Variants in FGF14 observed in about 807,000 individuals in gnomAD.
FGF14 encodes the protein fibroblast growth factor homologous factor 4.
Under a neutral mutation model 25.5 loss-of-function variants are expected in FGF14, and 5 were observed. The ratio of observed to expected loss-of-function variants is 0.20; its 90% CI spans 0.10 to 0.41. The LOEUF is 0.41. FGF14 is among the 10% of genes least tolerant of loss of function. FGF14 has a pLI of 1.00. For synonymous variants in FGF14, 138 were observed against 118.3 expected, an observed-to-expected ratio of 1.17 and a Z score of -1.08; for missense variants, 222 against 320.1, an observed-to-expected ratio of 0.69 and a Z score of 2.34.
intron 1 of FGF14, among the ~76,000 whole-genome samples, chr13:102,392,233 T>C (rs942606431): frequency 2.0e-5 from 3 of 152,234 alleles, no homozygotes; most frequent in Admixed American, 6.5e-5. Context: ...AACTTACATA[T>C]GTAAATTCAA....
At chr13:102,201,797 A>C (rs1015412686) in intron 1 of FGF14, among the ~76,000 whole-genome samples, 1 of 152,218 alleles carries the variant, frequency 6.6e-6, no homozygotes, top group Admixed American at 6.5e-5. Context: ...TGAAAACTAA[A>C]GAATAATGTT....
intron 1 of FGF14, among the ~76,000 whole-genome samples, chr13:102,098,569 A>AT (rs1466996926): frequency 1.3e-5 from 2 of 152,198 alleles, no homozygotes; most frequent in Non-Finnish European, 2.9e-5. Flanking sequence ...AATTGCCTTG[A>AT]TTACATTTAG....
chr13:101,856,755 C>T (rs186251787), intron 3 of FGF14, among the ~76,000 whole-genome samples: 9 of 152,042 alleles, frequency 5.9e-5, no homozygotes, highest in Non-Finnish European at 1.2e-4. Context: ...GGTAATATAT[C>T]ATCATGTTAC....
chr13:102,401,527 G>A, exon 1 of FGF14: 1 of 1,614,192 alleles, frequency 6.2e-7, no homozygotes, highest in Non-Finnish European at 8.5e-7. Flanking sequence ...CAGCATATGC[G>A]TTCCTTTGCT....
At chr13:101,995,171 T>C (rs189723914) in intron 1 of FGF14, among the ~76,000 whole-genome samples, 130 of 152,250 alleles carry the variant, frequency 8.5e-4, no homozygotes, top group African/African-American at 2.9e-3. Context: ...AGCAGTAATT[T>C]TCTAAAATTC....
chr13:102,056,628 T>C (rs1314435570), intron 1 of FGF14, among the ~76,000 whole-genome samples: 4 of 152,072 alleles, frequency 2.6e-5, no homozygotes, highest in Non-Finnish European at 5.9e-5. Flanking sequence ...ACATGACAAC[T>C]AAGAAACATT....
intron 3 of FGF14, among the ~76,000 whole-genome samples, chr13:101,833,516 T>G (rs1410173938): frequency 6.6e-6 from 1 of 152,052 alleles, no homozygotes; most frequent in Non-Finnish European, 1.5e-5. Flanking sequence ...AATTTATAAC[T>G]AGACAATGAG....
intron 1 of FGF14, among the ~76,000 whole-genome samples, chr13:101,945,987 C>G (rs1226200336): frequency 6.6e-6 from 1 of 152,146 alleles, no homozygotes; most frequent in Non-Finnish European, 1.5e-5. Flanking sequence ...CATCGTGAAG[C>G]CTTAATCAAT....
At chr13:101,917,557 C>T (rs1379719772), upstream of FGF14, among the ~76,000 whole-genome samples, 1 of 151,888 alleles carries the variant, frequency 6.6e-6, no homozygotes, top group African/African-American at 2.4e-5. Context: ...TGCACTGAAA[C>T]TCTCAGCAGC....
chr13:102,172,074 C>T (rs972586760), intron 1 of FGF14, among the ~76,000 whole-genome samples: 10 of 151,820 alleles, frequency 6.6e-5, no homozygotes, highest in Non-Finnish European at 1.3e-4. Flanking sequence ...ACGTGATCCT[C>T]CTCCCTCGAC....
At chr13:102,026,382 G>T (rs2040928808) in intron 1 of FGF14, among the ~76,000 whole-genome samples, 1 of 151,506 alleles carries the variant, frequency 6.6e-6, no homozygotes, top group African/African-American at 2.4e-5. Context: ...ATTCATAAAG[G>T]ATATTGATCA....
chr13:102,326,323 T>A (rs2056421502), intron 1 of FGF14, among the ~76,000 whole-genome samples: 1 of 152,164 alleles, frequency 6.6e-6, no homozygotes, highest in Non-Finnish European at 1.5e-5. Context: ...ACTATCAGTA[T>A]AATTAAGCCG....
chr13:102,271,360 G>A (rs902857966), intron 1 of FGF14, among the ~76,000 whole-genome samples: 12 of 152,026 alleles, frequency 7.9e-5, no homozygotes, highest in African/African-American at 2.9e-4. Context: ...CATTTGCCGT[G>A]TTCCAGTCAC....
Position 101,858,325 on chromosome 13 carries a change from T to C in FGF14, c.408+10400A>G, listed in dbSNP as rs9582531. ...CACATGTGTGTATAATTTTTAAAGA[T>C]GCACAATTTTGCTTCAAATTTTAAT... On this transcript the variant is annotated intron_variant, in intron 3 of 4. Coordinates refer to ENST00000376143, the MANE Select transcript of FGF14 (RefSeq NM_004115.4). Among the ~76,000 whole-genome samples the C allele has an allele frequency of 2.5e-3, 382 of 152,106 alleles. 2 individuals are homozygous for C. The highest frequency in any genetic ancestry group is 8.7e-3 in the African/African-American group (361 of 41,546).
chr13:101,969,938 T>A (rs1477222838), intron 1 of FGF14, among the ~76,000 whole-genome samples: 1 of 152,196 alleles, frequency 6.6e-6, no homozygotes, highest in Non-Finnish European at 1.5e-5. Context: ...GTAGCAAACA[T>A]TCGTAATTTA....
chr13:101,865,766 A>G (rs2044667925), intron 3 of FGF14, among the ~76,000 whole-genome samples: 1 of 152,144 alleles, frequency 6.6e-6, no homozygotes, highest in African/African-American at 2.4e-5. Context: ...CCAGAATTCA[A>G]ATTAGATGAC....
intron 1 of FGF14, among the ~76,000 whole-genome samples, chr13:101,902,088 A>C (rs2031637967): frequency 6.6e-6 from 1 of 152,150 alleles, no homozygotes. Context: ...GGAATATCTC[A>C]GTTTTATCAA....
chr13:102,028,342 G>T lies in FGF14; in HGVS notation c.209-153046C>A, dbSNP rs2041035894. ...CACTGGACTGGGCCTTTACAAAAAA[G>T]ACCCAGGGGAGCTGATTTGCCTCCT... is the stretch of plus-strand genomic sequence containing the variant. On this transcript the variant is annotated intron_variant, in intron 1 of 4. Coordinates refer to the FGF14 transcript ENST00000376131. 1.3e-5 allele frequency among the ~76,000 whole-genome samples: 2 copies of T among 152,016 alleles called. 1 individual carries two copies. The highest frequency in any genetic ancestry group is 4.1e-4 in the South Asian group (2 of 4,826).
intron 3 of FGF14, among the ~76,000 whole-genome samples, chr13:101,846,936 T>C (rs1401933209): frequency 2.6e-5 from 4 of 152,086 alleles, no homozygotes; most frequent in African/African-American, 7.2e-5. Flanking sequence ...TCATGCAGTA[T>C]AATGGAAAAT....
Sources: gnomAD v4.1 joint callset for allele counts (sites outside exome capture counted in the v4.1 genomes callset) on GRCh38, gnomAD v4.1.1 for gene constraint, MANE v1.5 for transcripts, NCBI Gene and HGNC (gene_info 2026-07-23, HGNC 2026-07-21) for gene names.